Variants in WRN observed in about 807,000 individuals in gnomAD.
The protein encoded by WRN is WRN RecQ like helicase, also known as bifunctional 3'-5' exonuclease/ATP-dependent helicase WRN.
Under a neutral mutation model 180.7 loss-of-function variants are expected in WRN, and 149 were observed. The observed-to-expected ratio is 0.82, with a 90% CI of 0.72 to 0.94. The LOEUF (loss-of-function observed/expected upper bound fraction) is 0.94. WRN is among the 40% of genes least tolerant of loss of function. WRN has a pLI of 0.00. For missense variants in WRN, 1,661 were observed against 1,700.1 expected, an observed-to-expected ratio of 0.98 and a Z score of 0.40; for synonymous variants, 548 against 568.9, an observed-to-expected ratio of 0.96 and a Z score of 0.52.
chr8:31,074,421 T>G (rs1035139534), intron 7 of WRN, among the ~76,000 whole-genome samples: 20 of 152,150 alleles, frequency 1.3e-4, no homozygotes, highest in Admixed American at 6.5e-4. Flanking sequence ...AAGACGTAAT[T>G]CTCTTATTAT....
intron 19 of WRN, among the ~76,000 whole-genome samples, chr8:31,113,993 AT>A (rs35893391): frequency 0.63 from 95,474 of 150,500 alleles, 30,319 homozygotes; most frequent in East Asian, 0.72. Context: ...TTTAATATGA[AT>A]TTTTTTTTTT....
chr8:31,081,587 A>G (rs946665405), intron 9 of WRN, among the ~76,000 whole-genome samples: 3 of 152,242 alleles, frequency 2.0e-5, no homozygotes, highest in Non-Finnish European at 2.9e-5. Context: ...TGTAGTGGAA[A>G]GATTTTATAG....
In WRN at chr8:31,124,507, G is replaced by A. The variant is rs1243220022; in HGVS notation, c.2631-15G>A. On this transcript the variant is annotated splice_polypyrimidine_tract_variant and intron_variant, in intron 21 of 34. Coordinates refer to ENST00000298139, the MANE Select transcript of WRN (RefSeq NM_000553.6). ...ATACAGTTTTACATATTCCTGTGAT[G>A]TTTTTAATCGACAGGCACCTTCTTA... 1 of 1,589,208 alleles carries A rather than the reference G, an allele frequency of 6.3e-7. No homozygotes were observed. The highest frequency in any genetic ancestry group is 1.1e-5 in the South Asian group (1 of 90,436).
intron 1 of WRN, among the ~76,000 whole-genome samples, chr8:31,050,803 C>T (rs1812051867): frequency 6.6e-6 from 1 of 152,076 alleles, no homozygotes; most frequent in East Asian, 1.9e-4. Context: ...AGTATTGCAA[C>T]TGTTCTTTTA....
At chr8:31,108,459 TTTTA>T (rs764069461) in intron 18 of WRN, among the ~76,000 whole-genome samples, 6 of 151,956 alleles carry the variant, frequency 3.9e-5, no homozygotes, top group African/African-American at 1.5e-4. Flanking sequence ...TATCATTAAT[TTTTA>T]TTTATTTATT....
At chr8:31,067,328 A>G in intron 6 of WRN, 146 bp downstream of exon 6, 1 of 927,444 alleles carries the variant, frequency 1.1e-6, no homozygotes, top group South Asian at 1.6e-5. Flanking sequence ...TTAGGAAGAC[A>G]TTTAGTGAAA....
At chr8:31,077,200 G>A (rs1168362703) in intron 8 of WRN, among the ~76,000 whole-genome samples, 1 of 152,160 alleles carries the variant, frequency 6.6e-6, no homozygotes, top group East Asian at 1.9e-4. Flanking sequence ...CCTAGAATTT[G>A]TGTTGGTAAT....
At chr8:31,104,255 AT>A (rs1423801614) in intron 18 of WRN, among the ~76,000 whole-genome samples, 1 of 152,074 alleles carries the variant, frequency 6.6e-6, no homozygotes, top group African/African-American at 2.4e-5. Context: ...TATTTTAGCC[AT>A]TTCGATAGGT....
At chr8:31,125,459 T>G (rs1801881856) in intron 23 of WRN, among the ~76,000 whole-genome samples, 1 of 146,352 alleles carries the variant, frequency 6.8e-6, no homozygotes, top group Non-Finnish European at 1.5e-5. Context: ...AAGAAGGATA[T>G]TATATGATGT....
At chr8:31,154,343 G>C (rs1389688290) in intron 31 of WRN, among the ~76,000 whole-genome samples, 1 of 151,974 alleles carries the variant, frequency 6.6e-6, no homozygotes, top group Non-Finnish European at 1.5e-5. Context: ...TCACATTATA[G>C]TTCCTTTTTT....
In WRN at chr8:31,175,988, G is replaced by A. The variant is rs1325374350; in HGVS notation, c.*2886G>A. On this transcript the variant is annotated 3_prime_UTR_variant, in exon 35 of 35. Coordinates refer to ENST00000298139, the MANE Select transcript of WRN (RefSeq NM_000553.6). ...TAATAAAAGCTCTTTGGGGTCCTCA[G>A]TGATTTTTTTTTAAGAGTATGGAAG... 1.3e-5 allele frequency among the ~76,000 whole-genome samples: 2 copies of A among 151,588 alleles called. No individual in the cohort carries two copies. The highest frequency in any genetic ancestry group is 2.9e-5 in the Non-Finnish European group (2 of 68,018).
intron 21 of WRN, among the ~76,000 whole-genome samples, chr8:31,123,461 A>G (rs1801803441): frequency 1.3e-5 from 2 of 152,094 alleles, no homozygotes; most frequent in South Asian, 2.1e-4. Context: ...GCTAGAGTCA[A>G]CAGTTGGAAG....
rs765667470 is a variant in WRN at position 31,081,073 on chromosome 8, C to T, written c.1046C>T (p.Pro349Leu). Residue 349 changes from proline to leucine, a missense_variant, in exon 9 of 35, where the codon CCA becomes CTA. Around this residue, in one of 3 missense-constraint regions of WRN, gnomAD observed 500 missense variants for 504.1 expected, o/e 0.99. Transcript: ENST00000298139. ...LIHVEDETWD[P>L]TLDHLAKHDG... is the part of the protein sequence containing the mutation. ...CACGTTGAAGATGAAACATGGGACC[C>T]AACACTTGATCATTTAGCTAAACAT... 3.7e-6 allele frequency: 6 copies of T among 1,613,758 alleles called. 1 individual carries two copies. Among genetic ancestry groups the T allele is most frequent in the African/African-American group, 2.7e-5 (2 of 74,832 alleles).
At chr8:31,129,558 C>G (rs544347153) in intron 23 of WRN, among the ~76,000 whole-genome samples, 14 of 152,114 alleles carry the variant, frequency 9.2e-5, no homozygotes, top group Admixed American at 7.9e-4. Context: ...CAACAAAATC[C>G]TCATGCATTT....
chr8:31,141,764 G>T lies in WRN; in HGVS notation c.3222G>T (p.Leu1074Phe), dbSNP rs1801195. ...ATGAAGAATTGTGTCCAAAGAAGTT[G>T]CTTCTGCCTAGGTTCATTTTTCAGT... is the stretch of plus-strand genomic sequence containing the variant. ...QANEELCPKK[L>F]LLPSSKTVSS... The change falls in exon 26 of 35, where the codon TTG (leucine) becomes TTT (phenylalanine). Residue 1074 changes from leucine (L) to phenylalanine (F), a missense_variant. Coordinates refer to ENST00000298139, the MANE Select transcript of WRN (RefSeq NM_000553.6). The T allele has an allele frequency of 0.45, 726,329 of 1,612,852 alleles. 166,265 individuals carry two copies. Among genetic ancestry groups the T allele is most frequent in the East Asian group, 0.61 (27,226 of 44,844 alleles).
At chr8:31,150,495 C>CTT in intron 31 of WRN, 40 bp downstream of exon 31, 2 of 1,573,878 alleles carry the variant, frequency 1.3e-6, no homozygotes, top group East Asian at 4.5e-5. Flanking sequence ...AGAGAATAAG[C>CTT]ATTTTTTGTA....
Position 31,080,930 on chromosome 8 carries a change from G to A in WRN, c.903G>A (p.Gly301=), listed in dbSNP as rs747226837. ...ATTCACTGAGGAGGATGATAATTGG[G>A]TCTACTAACATTGAGACTGAACTGA... The part of the protein sequence containing the change: ...NLYSLRRMII[G]STNIETELRP... Residue 301 remains glycine, a synonymous_variant, in exon 9 of 35, where the codon GGG becomes GGA. Transcript: ENST00000298139. The A allele has an allele frequency of 6.5e-5, 105 of 1,613,262 alleles. No individual in the cohort carries two copies. Among genetic ancestry groups the A allele is most frequent in the Non-Finnish European group, 8.7e-5 (103 of 1,179,798 alleles).
chr8:31,124,795 A>G (rs1801854879), intron 22 of WRN, 113 bp from the exon 23 acceptor site: 1 of 1,245,704 alleles, frequency 8.0e-7, no homozygotes, highest in Non-Finnish European at 1.1e-6. Flanking sequence ...GAAGTCAAAT[A>G]ATGAAGTCCC....
intron 1 of WRN, among the ~76,000 whole-genome samples, chr8:31,049,974 G>T (rs1445114494): frequency 1.3e-5 from 2 of 151,512 alleles, no homozygotes; most frequent in Non-Finnish European, 2.9e-5. Context: ...TATAATAATG[G>T]GAATATAATC....
Sources: gnomAD v4.1 joint callset for allele counts (sites outside exome capture counted in the v4.1 genomes callset) on GRCh38, gnomAD v4.1.1 for gene constraint, gnomAD v4.1.1 regional missense constraint, MANE v1.5 for transcripts, NCBI Gene and HGNC (gene_info 2026-07-23, HGNC 2026-07-21) for gene names.